Variants in EIF2S3 observed in about 807,000 individuals in gnomAD.
The protein encoded by EIF2S3 is eukaryotic translation initiation factor 2 subunit gamma.
Under a neutral mutation model 31.7 loss-of-function variants are expected in EIF2S3, and 2 were observed. That is an observed-to-expected ratio of 0.06 (90% CI 0.03 to 0.20). EIF2S3 has a LOEUF of 0.20. Among genes scored for constraint, EIF2S3 ranks in the 10% least tolerant of loss-of-function variants. The pLI, the probability that EIF2S3 is intolerant of heterozygous loss-of-function variation, is 1.00. For missense variants in EIF2S3, 96 were observed against 359.3 expected (o/e 0.27, Z 5.92); for synonymous variants, 120 against 126.7 (o/e 0.95, Z 0.36).
chrX:24,065,651 T>C (rs1290955591), intron 7 of EIF2S3, among the ~76,000 whole-genome samples: 1 of 111,867 alleles, frequency 8.9e-6, no homozygotes, highest in Non-Finnish European at 1.9e-5. Flanking sequence ...TTTTTCTTTA[T>C]GGAAGTGGGA....
chrX:24,070,628 G>A (rs113166000), intron 9 of EIF2S3, among the ~76,000 whole-genome samples: 3 of 108,380 alleles, frequency 2.8e-5, no homozygotes, highest in East Asian at 3.0e-4. Flanking sequence ...GTAGAGATTG[G>A]GTTTTGCCAT....
chrX:24,058,573 C>G (rs1486913957), intron 4 of EIF2S3, among the ~76,000 whole-genome samples: 2 of 95,483 alleles, frequency 2.1e-5, no homozygotes, highest in Middle Eastern at 6.8e-3. Context: ...GTCTCTGTTG[C>G]CCAGGTTGGA....
chrX:24,078,496 T>C lies in EIF2S3; in HGVS notation c.*1711T>C, dbSNP rs1450926876. 2.7e-5 allele frequency among the ~76,000 whole-genome samples: 3 copies of C among 111,700 alleles called. No homozygotes were observed. Among genetic ancestry groups the C allele is most frequent in the African/African-American group, 9.7e-5 (3 of 30,818 alleles). The stretch of plus-strand genomic sequence containing the variant: ...AGTAGAATTCAGGCATTGATATCTT[T>C]AAAAACTCCCCAGTGTTGAGAAACA... On this transcript the variant is annotated 3_prime_UTR_variant, in exon 12 of 12. Transcript: ENST00000253039.
chrX:24,056,758 C>G (rs1036814948), intron 2 of EIF2S3, among the ~76,000 whole-genome samples: 11 of 111,440 alleles, frequency 9.9e-5, no homozygotes, highest in African/African-American at 3.6e-4. Flanking sequence ...ACTAAGGAGG[C>G]CGAGGTCGGA....
chrX:24,064,187 A>AATTTT lies in EIF2S3; in HGVS notation c.638-14_638-13insATTTT. On this transcript the variant is annotated splice_polypyrimidine_tract_variant and intron_variant, in intron 6 of 11. Transcript: ENST00000253039. ...AACTGTATAATTTTGATCTTTCTAA[A>AATTTT]TTTTGTCATATAGGTACAGTAGCAG... 1 of 1,124,579 alleles carries AATTTT rather than the reference A, an allele frequency of 8.9e-7. No individual in the cohort carries two copies. The highest frequency in any genetic ancestry group is 3.2e-5 in the East Asian group (1 of 31,363). 92.7% of individuals were successfully genotyped at this position (1,124,579 alleles called of 1,213,427 possible).
intron 4 of EIF2S3, among the ~76,000 whole-genome samples, chrX:24,059,130 C>T (rs1238793379): frequency 1.8e-5 from 2 of 112,121 alleles, no homozygotes; most frequent in African/African-American, 3.2e-5. Flanking sequence ...CCACAAAGGG[C>T]TAGGTAGTAA....
At chrX:24,070,795 GT>G (rs1221341174) in intron 9 of EIF2S3, among the ~76,000 whole-genome samples, 13 of 111,737 alleles carry the variant, frequency 1.2e-4, no homozygotes, top group African/African-American at 3.9e-4. Flanking sequence ...TGGCATGCAG[GT>G]ATTCTGCAAA....
chrX:24,055,523 G>A, intron 1 of EIF2S3, 92 bp from the exon 2 acceptor site: 1 of 904,425 alleles, frequency 1.1e-6, no homozygotes, highest in Non-Finnish European at 1.6e-6. Context: ...AAGCTGTGCA[G>A]ATGGTGGCAA....
intron 8 of EIF2S3, among the ~76,000 whole-genome samples, chrX:24,066,539 T>C (rs1320703668): frequency 1.2e-4 from 12 of 98,762 alleles, no homozygotes; most frequent in Middle Eastern, 0.01. Flanking sequence ...TTTTTTTTTC[T>C]TGAGGCGGAG....
At chrX:24,070,000 C>T (rs779326134) in intron 9 of EIF2S3, among the ~76,000 whole-genome samples, 1 of 109,965 alleles carries the variant, frequency 9.1e-6, no homozygotes, top group Admixed American at 9.9e-5. Context: ...CTAAGGAACT[C>T]TTTAAACATA....
intron 11 of EIF2S3, among the ~76,000 whole-genome samples, chrX:24,074,473 A>G (rs765202734): frequency 4.7e-4 from 53 of 111,700 alleles, no homozygotes; most frequent in Non-Finnish European, 9.0e-4. Context: ...TGCAACTAAT[A>G]AGCAATCTGT....
chrX:24,073,349 CA>C lies in EIF2S3; in HGVS notation c.1355+88del. On this transcript the variant is annotated intron_variant, in intron 11 of 11. Coordinates refer to ENST00000253039, the MANE Select transcript of EIF2S3 (RefSeq NM_001415.4). ...AAAAGCACACAATCTTCCTTGAGGA[CA>C]ACAGTTACTGTGGCTTTCAGTCTCA... 2.8e-6 allele frequency: 3 copies of C among 1,066,973 alleles called. No individual in the cohort carries two copies. The African/African-American group carries it at 5.6e-5, about 20-fold the overall frequency. The allele number at this position is 1,066,973 out of a possible 1,213,427, so 87.9% of individuals were successfully genotyped here. A position where few individuals can be genotyped will look rare whatever the true frequency, so the allele number is the denominator to read the frequency against.
At chrX:24,060,874 G>A (rs140986111) in intron 5 of EIF2S3, among the ~76,000 whole-genome samples, 1,162 of 102,652 alleles carry the variant, frequency 0.011, 22 homozygotes, top group African/African-American at 0.04. Context: ...CTTGAACCCG[G>A]GAGGCAGAGG....
At chrX:24,075,525 T>G (rs997357787) in intron 11 of EIF2S3, among the ~76,000 whole-genome samples, 1 of 111,819 alleles carries the variant, frequency 8.9e-6, no homozygotes, top group Non-Finnish European at 1.9e-5. Context: ...AAAATTAGTC[T>G]TCTTAAAACA....
Position 24,062,563 on chromosome X carries a change from C to T in EIF2S3, c.626C>T (p.Ala209Val), listed in dbSNP as rs1156465520. 1.7e-5 allele frequency: 21 copies of T among 1,209,215 alleles called. No homozygotes were observed. The highest frequency in any genetic ancestry group is 2.2e-5 in the Non-Finnish European group (20 of 894,874). The change falls in exon 6 of 12, where the codon GCA becomes GTA. Residue 209 changes from alanine (A) to valine (V), a missense_variant. Coordinates refer to ENST00000253039, the MANE Select transcript of EIF2S3 (RefSeq NM_001415.4). ...QAKEQYEQIL[A>V]FVQGTVAEGA... is the part of the protein sequence containing the mutation. ...AAAGAACAATACGAGCAGATCCTTG[C>T]ATTTGTCCAAGGTAAGAAGCCATAA...
intron 11 of EIF2S3, among the ~76,000 whole-genome samples, chrX:24,074,525 T>C (rs1268518726): frequency 8.9e-6 from 1 of 111,734 alleles, no homozygotes; most frequent in Non-Finnish European, 1.9e-5. Flanking sequence ...TGCTGATCAT[T>C]GAATCCCACA....
chrX:24,068,210 T>C, intron 9 of EIF2S3, 102 bp downstream of exon 9: 2 of 830,919 alleles, frequency 2.4e-6, no homozygotes, highest in South Asian at 6.7e-5. Flanking sequence ...TTTAATTGGG[T>C]ATTTTAATAA....
intron 7 of EIF2S3, among the ~76,000 whole-genome samples, chrX:24,065,572 T>G (rs1030770835): frequency 2.7e-4 from 30 of 111,734 alleles, no homozygotes; most frequent in African/African-American, 9.4e-4. Flanking sequence ...GAGCTATGAT[T>G]GTGCCACTGC....
chrX:24,059,334 G>C (rs895457909), intron 4 of EIF2S3, among the ~76,000 whole-genome samples: 2 of 111,729 alleles, frequency 1.8e-5, no homozygotes, highest in African/African-American at 6.5e-5. Context: ...GAATACCATA[G>C]TTTTGTTAAA....
Sources: gnomAD v4.1 joint callset for allele counts (sites outside exome capture counted in the v4.1 genomes callset) on GRCh38, gnomAD v4.1.1 for gene constraint, MANE v1.5 for transcripts, NCBI Gene and HGNC (gene_info 2026-07-23, HGNC 2026-07-21) for gene names.